The following GPC5 variants were observed in gnomAD, a reference collection of about 807,000 sequenced individuals.
The protein encoded by GPC5 is glypican 5.
In GPC5, 47 loss-of-function variants were observed where a neutral mutation model predicts 53.9. The ratio of observed to expected loss-of-function variants is 0.87; its 90% CI spans 0.69 to 1.11. The LOEUF (loss-of-function observed/expected upper bound fraction) is 1.11, where lower values mean the gene tolerates loss of function less well. Ranked by LOEUF, GPC5 falls within the 50% of genes most tolerant of loss-of-function variation. The probability of loss-of-function intolerance (pLI) is 0.00; values close to 1 mark genes in which losing one functional copy is unlikely to be tolerated. For missense variants in GPC5, 748 were observed against 713.1 expected (o/e 1.05, Z -0.56); for synonymous variants, 286 against 263.3 (o/e 1.09, Z -0.84).
chr13:92,661,252 C>A (rs993638661), intron 7 of GPC5, among the ~76,000 whole-genome samples: 6 of 151,692 alleles, frequency 4.0e-5, no homozygotes, highest in Non-Finnish European at 4.4e-5. Flanking sequence ...CCATATCATG[C>A]CAATGCACTC....
chr13:92,023,784 C>T (rs1325340369), intron 6 of GPC5, among the ~76,000 whole-genome samples: 1 of 151,494 alleles, frequency 6.6e-6, no homozygotes, highest in East Asian at 1.9e-4. Flanking sequence ...ATCCTCAAAC[C>T]ATTTTAGTCA....
chr13:92,385,845 AGAAAT>A (rs1268010280), intron 7 of GPC5, among the ~76,000 whole-genome samples: 2 of 149,316 alleles, frequency 1.3e-5, no homozygotes, highest in African/African-American at 2.4e-5. Context: ...TCAGATGAAA[AGAAAT>A]AAAACATAAA....
intron 7 of GPC5, among the ~76,000 whole-genome samples, chr13:92,292,839 TG>T (rs1468848678): frequency 1.3e-5 from 2 of 152,226 alleles, no homozygotes; most frequent in Non-Finnish European, 1.5e-5. Flanking sequence ...AGTTGATTTT[TG>T]TATGAGTTGA....
chr13:92,305,480 GT>G (rs985454897), intron 7 of GPC5, among the ~76,000 whole-genome samples: 1 of 151,560 alleles, frequency 6.6e-6, no homozygotes, highest in Non-Finnish European at 1.5e-5. Flanking sequence ...GGATCAACTG[GT>G]TTTTTAAAAA....
At chr13:91,744,277 A>G (rs1034903854) in intron 4 of GPC5, among the ~76,000 whole-genome samples, 2 of 152,122 alleles carry the variant, frequency 1.3e-5, no homozygotes, top group African/African-American at 2.4e-5. Context: ...ATTCTAGGCC[A>G]CCCATCAGAA....
chr13:92,304,148 A>T (rs914645017), intron 7 of GPC5, among the ~76,000 whole-genome samples: 1 of 151,810 alleles, frequency 6.6e-6, no homozygotes, highest in South Asian at 2.1e-4. Context: ...TCCTGTTCTC[A>T]GGTAATGGGC....
intron 7 of GPC5, among the ~76,000 whole-genome samples, chr13:92,356,649 T>C (rs1381793270): frequency 6.6e-6 from 1 of 152,014 alleles, no homozygotes; most frequent in African/African-American, 2.4e-5. Context: ...CCCAAGAAAT[T>C]AGAAGGAGGG....
intron 7 of GPC5, among the ~76,000 whole-genome samples, chr13:92,400,984 G>A (rs1485938655): frequency 6.6e-6 from 1 of 152,080 alleles, no homozygotes; most frequent in Non-Finnish European, 1.5e-5. Context: ...GCAGATGGAA[G>A]TTGTTGCCTT....
At chr13:91,566,078 A>G (rs2031511927) in intron 2 of GPC5, among the ~76,000 whole-genome samples, 1 of 152,066 alleles carries the variant, frequency 6.6e-6, no homozygotes, top group Non-Finnish European at 1.5e-5. Context: ...CAAGATCCTC[A>G]ATGTAATTAC....
At position 92,008,614 on chromosome 13, in the gene GPC5, C is replaced by T. The variant is rs371221849; in HGVS notation, c.1401+100557C>T. On this transcript the variant is annotated intron_variant, in intron 6 of 7. Coordinates refer to ENST00000377067, the MANE Select transcript of GPC5 (RefSeq NM_004466.6). ...AGAATTCTATTTGACAATGTAGTTC[C>T]ATTTTTCTTCTGGTTTAATTAAGCG... Among the ~76,000 whole-genome samples, 14 of 152,122 alleles carry T rather than the reference C, an allele frequency of 9.2e-5. No individual in the cohort carries two copies. In the East Asian group the frequency reaches 2.7e-3, roughly 29 times the overall value.
intron 7 of GPC5, among the ~76,000 whole-genome samples, chr13:92,275,860 A>G (rs1178247632): frequency 6.6e-6 from 1 of 152,156 alleles, no homozygotes; most frequent in Non-Finnish European, 1.5e-5. Flanking sequence ...ATGACCTGAT[A>G]TTAGTGACCC....
At chr13:91,488,329 C>CA (rs575395281) in intron 2 of GPC5, among the ~76,000 whole-genome samples, 127 of 151,976 alleles carry the variant, frequency 8.4e-4, no homozygotes, top group Non-Finnish European at 1.6e-3. Flanking sequence ...TTTATAATTC[C>CA]AAAAAAATGT....
chr13:91,797,149 C>T (rs1159655255), intron 5 of GPC5, among the ~76,000 whole-genome samples: 14 of 151,998 alleles, frequency 9.2e-5, no homozygotes, highest in African/African-American at 2.7e-4. Flanking sequence ...CTAATCTTTC[C>T]GTCCCCAAAG....
At position 92,177,978 on chromosome 13, in the gene GPC5, A is replaced by G. The variant is rs190955487; in HGVS notation, c.1561+32989A>G. ...GAAGATTACTGGGAATAGCATAAAA[A>G]GTTCAAACCACCAATAAACATTTCT... On this transcript the variant is annotated intron_variant, in intron 7 of 7. Transcript: ENST00000377067. Among the ~76,000 whole-genome samples the G allele has an allele frequency of 3.5e-3, 538 of 152,350 alleles. 4 individuals are homozygous for G. Among genetic ancestry groups the G allele is most frequent in the African/African-American group, 0.012 (511 of 41,580 alleles).
intron 6 of GPC5, among the ~76,000 whole-genome samples, chr13:92,138,068 C>T (rs1439435804): frequency 6.6e-6 from 1 of 151,950 alleles, no homozygotes; most frequent in East Asian, 1.9e-4. Context: ...TTGCTGTGAA[C>T]CTAAAACTAC....
At chr13:91,737,050 G>C (rs2036831813) in intron 4 of GPC5, among the ~76,000 whole-genome samples, 2 of 151,336 alleles carry the variant, frequency 1.3e-5, no homozygotes, top group African/African-American at 4.9e-5. Context: ...CTTTCAGTGA[G>C]CTGAGATCAT....
At position 92,254,325 on chromosome 13, in the gene GPC5, C is replaced by G. The variant is rs567743773; in HGVS notation, c.1561+109336C>G. ...TTCACTAACGAATACATTAGGCATT[C>G]TCAAAAATTAGTGGAAACCTCTTTG... is the stretch of plus-strand genomic sequence containing the variant. On this transcript the variant is annotated intron_variant, in intron 7 of 7. Coordinates refer to ENST00000377067, the MANE Select transcript of GPC5 (RefSeq NM_004466.6). Among the ~76,000 whole-genome samples the G allele has an allele frequency of 3.3e-5, 5 of 152,172 alleles. No individual in the cohort carries two copies. In the South Asian group the frequency reaches 1.0e-3, roughly 32 times the overall value.
intron 7 of GPC5, among the ~76,000 whole-genome samples, chr13:92,342,637 T>C (rs1227298208): frequency 6.6e-6 from 1 of 151,024 alleles, no homozygotes; most frequent in South Asian, 2.1e-4. Flanking sequence ...GAGAAATAAG[T>C]TTCTTTTTTA....
chr13:91,506,107 T>C (rs1594181877), intron 2 of GPC5, among the ~76,000 whole-genome samples: 1 of 152,100 alleles, frequency 6.6e-6, no homozygotes, highest in East Asian at 1.9e-4. Flanking sequence ...AGCCAATTAC[T>C]TTGCCTGAGA....
Sources: gnomAD v4.1 joint callset for allele counts (sites outside exome capture counted in the v4.1 genomes callset) on GRCh38, gnomAD v4.1.1 for gene constraint, MANE v1.5 for transcripts, NCBI Gene and HGNC (gene_info 2026-07-23, HGNC 2026-07-21) for gene names.